The following NELL1 variants were observed in gnomAD, a reference collection of about 807,000 sequenced individuals.
NELL1 encodes neural EGFL like 1.
Under a neutral mutation model 107.4 loss-of-function variants are expected in NELL1, and 76 were observed. The ratio of observed to expected loss-of-function variants is 0.71; its 90% CI spans 0.59 to 0.86. NELL1 has a LOEUF of 0.86. Ranked by LOEUF, NELL1 falls within the 40% of genes least tolerant of loss-of-function variation. The pLI, the probability that NELL1 is intolerant of heterozygous loss-of-function variation, is 0.00. For synonymous variants in NELL1, 353 were observed against 341.2 expected, an observed-to-expected ratio of 1.03 and a Z score of -0.38; for missense variants, 1,024 against 1,005.5, an observed-to-expected ratio of 1.02 and a Z score of -0.25.
intron 10 of NELL1, among the ~76,000 whole-genome samples, chr11:20,939,929 T>G (rs1188627573): frequency 1.3e-5 from 2 of 152,194 alleles, no homozygotes; most frequent in Non-Finnish European, 2.9e-5. Context: ...GGATTATTTC[T>G]GTATTTTATG....
chr11:20,795,965 T>G (rs1399442777), intron 3 of NELL1, among the ~76,000 whole-genome samples: 2 of 152,180 alleles, frequency 1.3e-5, no homozygotes, highest in East Asian at 3.8e-4. Flanking sequence ...AGGGTTCTTC[T>G]AGGTAAAGTG....
intron 5 of NELL1, among the ~76,000 whole-genome samples, chr11:20,891,149 C>T (rs1204938713): frequency 6.6e-6 from 1 of 152,200 alleles, no homozygotes; most frequent in African/African-American, 2.4e-5. Context: ...GCCCATCAGA[C>T]TAACAGTGGA....
chr11:21,381,072 C>T (rs575587829), intron 15 of NELL1, among the ~76,000 whole-genome samples: 1 of 151,948 alleles, frequency 6.6e-6, no homozygotes, highest in Non-Finnish European at 1.5e-5. Flanking sequence ...GATTCTAACC[C>T]GTGTATTGCT....
intron 15 of NELL1, among the ~76,000 whole-genome samples, chr11:21,413,442 G>GA (rs551408597): frequency 8.6e-5 from 13 of 151,532 alleles, no homozygotes; most frequent in Admixed American, 3.9e-4. Context: ...AAATAATTTT[G>GA]AAAAAAAAGT....
chr11:20,781,032 G>A (rs545604077), intron 2 of NELL1, among the ~76,000 whole-genome samples: 29 of 152,320 alleles, frequency 1.9e-4, no homozygotes, highest in African/African-American at 6.3e-4. Flanking sequence ...AAAAGAGCAC[G>A]TTAACTACAG....
At chr11:20,736,943 C>T (rs1018339236) in intron 2 of NELL1, among the ~76,000 whole-genome samples, 11 of 151,854 alleles carry the variant, frequency 7.2e-5, no homozygotes, top group Admixed American at 2.0e-4. Context: ...TTTATAGATA[C>T]GGGGTTTCAC....
chr11:21,460,360 A>C (rs1853869677), intron 15 of NELL1, among the ~76,000 whole-genome samples: 1 of 152,084 alleles, frequency 6.6e-6, no homozygotes, highest in Non-Finnish European at 1.5e-5. Context: ...GCAGTCTGAG[A>C]ACCCTAGCAA....
chr11:21,302,434 G>T (rs1267530404), intron 14 of NELL1, among the ~76,000 whole-genome samples: 1 of 152,034 alleles, frequency 6.6e-6, no homozygotes, highest in Non-Finnish European at 1.5e-5. Context: ...TGGTTATCAA[G>T]CTCAGCATGA....
intron 11 of NELL1, among the ~76,000 whole-genome samples, chr11:20,950,628 C>T (rs1229941825): frequency 6.6e-6 from 1 of 152,184 alleles, no homozygotes; most frequent in Non-Finnish European, 1.5e-5. Context: ...CTCCCCTTCT[C>T]TGAAACAGAA....
At chr11:21,347,843 G>A (rs993678415) in intron 14 of NELL1, among the ~76,000 whole-genome samples, 22 of 152,096 alleles carry the variant, frequency 1.4e-4, no homozygotes, top group South Asian at 8.3e-4. Context: ...GGTAACCACC[G>A]GTGCCTTATA....
At chr11:21,076,699 G>C (rs967500917) in intron 12 of NELL1, among the ~76,000 whole-genome samples, 3 of 152,152 alleles carry the variant, frequency 2.0e-5, no homozygotes, top group African/African-American at 7.2e-5. Flanking sequence ...GGAGGTGTTT[G>C]GGTAAAGGGG....
chr11:21,080,667 G>C (rs144710735), intron 12 of NELL1, among the ~76,000 whole-genome samples: 1 of 152,034 alleles, frequency 6.6e-6, no homozygotes, highest in African/African-American at 2.4e-5. Context: ...CTGTGCACAT[G>C]GTACATGCAT....
At chr11:21,021,168 A>G (rs1852691914) in intron 12 of NELL1, among the ~76,000 whole-genome samples, 1 of 151,796 alleles carries the variant, frequency 6.6e-6, no homozygotes, top group Non-Finnish European at 1.5e-5. Context: ...TATTTGCCTT[A>G]AGAGTTGAGA....
At chr11:21,301,578 T>A (rs1849492850) in intron 14 of NELL1, among the ~76,000 whole-genome samples, 1 of 152,162 alleles carries the variant, frequency 6.6e-6, no homozygotes. Flanking sequence ...CTTTGCCCAC[T>A]TTTTGATGGG....
chr11:20,748,466 A>T (rs1021904865), intron 2 of NELL1, among the ~76,000 whole-genome samples: 1 of 152,210 alleles, frequency 6.6e-6, no homozygotes, highest in African/African-American at 2.4e-5. Flanking sequence ...GATTAATTGT[A>T]CAGTGGTAAA....
intron 12 of NELL1, among the ~76,000 whole-genome samples, chr11:20,963,577 C>G (rs116832751): frequency 0.01 from 1,529 of 152,200 alleles, 22 homozygotes; most frequent in African/African-American, 0.035. Context: ...AATGGTCATG[C>G]AGGCCATTTC....
chr11:21,313,800 T>A (rs1175749088), intron 14 of NELL1, among the ~76,000 whole-genome samples: 1 of 152,116 alleles, frequency 6.6e-6, no homozygotes, highest in African/African-American at 2.4e-5. Context: ...TCATTAACCC[T>A]TGATATATTC....
chr11:20,774,349 CTCCTT>C (rs1440907966), intron 2 of NELL1, among the ~76,000 whole-genome samples: 4 of 146,332 alleles, frequency 2.7e-5, no homozygotes, highest in Non-Finnish European at 6.0e-5. Flanking sequence ...TCTCCTCTCT[CTCCTT>C]TCTTTCTCTC....
chr11:21,491,470 C>A (rs1346486616), intron 15 of NELL1, among the ~76,000 whole-genome samples: 1 of 152,116 alleles, frequency 6.6e-6, no homozygotes, highest in African/African-American at 2.4e-5. Context: ...TTCCCCATTG[C>A]TTGTTTTTCT....
Sources: gnomAD v4.1 joint callset for allele counts (sites outside exome capture counted in the v4.1 genomes callset) on GRCh38, gnomAD v4.1.1 for gene constraint, MANE v1.5 for transcripts, NCBI Gene and HGNC (gene_info 2026-07-23, HGNC 2026-07-21) for gene names.